The following RRN3 variants were observed in gnomAD, a reference collection of about 807,000 sequenced individuals.
RRN3 encodes the protein RNA polymerase I-specific transcription initiation factor RRN3.
A neutral mutation model predicts 82.3 loss-of-function variants in RRN3; 38 were observed. That is an observed-to-expected ratio of 0.46 (90% CI 0.36 to 0.61). RRN3 has a LOEUF of 0.61. RRN3 is among the 20% of genes least tolerant of loss of function. RRN3 has a pLI of 0.00. For missense variants in RRN3, 726 were observed against 793.1 expected (o/e 0.92, Z 1.02); for synonymous variants, 284 against 284.3 (o/e 1.00, Z 0.01).
At chr16:15,089,565 C>A (rs1363829934) in intron 3 of RRN3, among the ~76,000 whole-genome samples, 5 of 152,026 alleles carry the variant, frequency 3.3e-5, no homozygotes, top group African/African-American at 1.2e-4. Context: ...CTTTGGGAGG[C>A]CAAGGCGGGC....
At chr16:15,082,931 G>C (rs2045764722) in intron 8 of RRN3, among the ~76,000 whole-genome samples, 2 of 152,158 alleles carry the variant, frequency 1.3e-5, no homozygotes, top group South Asian at 4.1e-4. Flanking sequence ...AGTAATTCTT[G>C]TCCATATGAG....
In RRN3 at chr16:15,060,803, C is replaced by G. The variant is rs2044682176; in HGVS notation, c.*941G>C. 6.6e-6 allele frequency: 1 copy of G among 152,228 alleles called. No homozygotes were observed. The highest frequency in any genetic ancestry group is 6.5e-5 in the Admixed American group (1 of 15,278). 9.4% of individuals were successfully genotyped at this position (152,228 alleles called of 1,614,324 possible). On this transcript the variant is annotated 3_prime_UTR_variant, in exon 18 of 18. Coordinates refer to ENST00000198767, the MANE Select transcript of RRN3 (RefSeq NM_018427.5). ...CTATTGTTGTGAGCAAAACCGTACA[C>G]CAAATAATCTAAAAAAATTTTCCTG... is the stretch of plus-strand genomic sequence containing the variant.
chr16:15,065,893 T>TCAAAAACAGGCA (rs2044949328), intron 15 of RRN3, among the ~76,000 whole-genome samples: 1 of 152,170 alleles, frequency 6.6e-6, no homozygotes, highest in Admixed American at 6.5e-5. Context: ...AGTCATGACC[T>TCAAAAACAGGCA]CAAAAACAGG....
chr16:15,069,420 G>C (rs1240896386), intron 14 of RRN3, among the ~76,000 whole-genome samples: 1 of 152,158 alleles, frequency 6.6e-6, no homozygotes, highest in East Asian at 1.9e-4. Flanking sequence ...AATTTACAAT[G>C]ACTTATAAAC....
intron 8 of RRN3, among the ~76,000 whole-genome samples, chr16:15,081,000 G>C (rs542540454): frequency 6.6e-6 from 1 of 152,196 alleles, no homozygotes; most frequent in East Asian, 1.9e-4. Context: ...TATCAATGGA[G>C]TCATATAATA....
At chr16:15,073,828 AG>A (rs1448524787) in intron 11 of RRN3, among the ~76,000 whole-genome samples, 2 of 152,096 alleles carry the variant, frequency 1.3e-5, no homozygotes, top group Non-Finnish European at 2.9e-5. Context: ...TATGTTGCCC[AG>A]GATAGTTAGT....
intron 17 of RRN3, among the ~76,000 whole-genome samples, chr16:15,062,298 C>T (rs147626404): frequency 2.0e-5 from 3 of 152,280 alleles, no homozygotes; most frequent in East Asian, 1.9e-4. Context: ...GGAAACATGA[C>T]GAGTCATTCT....
chr16:15,064,029 C>T lies in RRN3; in HGVS notation c.1707-746G>A, dbSNP rs1397547464. Among the ~76,000 whole-genome samples the T allele has an allele frequency of 3.3e-5, 5 of 152,150 alleles. No individual in the cohort carries two copies. The South Asian group carries it at 8.3e-4, about 25-fold the overall frequency. ...TTTCAGTCAACCAAGACTTCAGGGA[C>T]CAGACAATCCCAGATGGTCATGATG... On this transcript the variant is annotated intron_variant, in intron 16 of 17. Coordinates refer to ENST00000198767, the MANE Select transcript of RRN3 (RefSeq NM_018427.5).
chr16:15,077,822 G>A (rs1432563776), intron 9 of RRN3, among the ~76,000 whole-genome samples: 1 of 152,148 alleles, frequency 6.6e-6, no homozygotes, highest in East Asian at 1.9e-4. Context: ...GCCTGGGCAA[G>A]AAGCGAGACA....
At chr16:15,063,704 C>CAAAA (rs10664930) in intron 16 of RRN3, among the ~76,000 whole-genome samples, 3 of 89,098 alleles carry the variant, frequency 3.4e-5, no homozygotes, top group East Asian at 3.4e-4. Context: ...GACTCTGTCT[C>CAAAA]AAAAAAAAAA....
chr16:15,089,206 G>A (rs987824091), intron 3 of RRN3, among the ~76,000 whole-genome samples: 4 of 152,094 alleles, frequency 2.6e-5, no homozygotes, highest in Middle Eastern at 3.4e-3. Context: ...TGGGAGGATG[G>A]CTTGAACCCA....
At chr16:15,076,978 CACTTTT>C (rs1478299260) in intron 9 of RRN3, among the ~76,000 whole-genome samples, 18 of 80,064 alleles carry the variant, frequency 2.2e-4, no homozygotes, top group Admixed American at 7.9e-4. Context: ...CCACCCAAAT[CACTTTT>C]TTTTTTTTTT....
At chr16:15,092,815 C>T (rs1598024042) in intron 1 of RRN3, among the ~76,000 whole-genome samples, 1 of 152,188 alleles carries the variant, frequency 6.6e-6, no homozygotes, top group East Asian at 1.9e-4. Context: ...CAGTAAAAAT[C>T]CAAATCTCTC....
rs2044706312 is a variant in RRN3, at chr16:15,061,430, C to T, written c.*314G>A. ...GTCTGCTGCCTATATTAGAAATTAC[C>T]CAGTAATTGTGTCAAAAAGCTGTTA... On this transcript the variant is annotated 3_prime_UTR_variant, in exon 18 of 18. Transcript: ENST00000198767. The T allele has an allele frequency of 3.2e-6, 1 of 313,882 alleles. No individual in the cohort carries two copies. Among genetic ancestry groups the T allele is most frequent in the Non-Finnish European group, 5.8e-6 (1 of 172,316 alleles). The allele number at this position is 313,882 out of a possible 1,614,324, so 19.4% of individuals were successfully genotyped here.
At chr16:15,088,443 G>A (rs141613969) in intron 3 of RRN3, among the ~76,000 whole-genome samples, 3 of 152,268 alleles carry the variant, frequency 2.0e-5, no homozygotes, top group Non-Finnish European at 4.4e-5. Context: ...ACTCCAGCCC[G>A]GGTGACAGAG....
At chr16:15,071,396 T>C (rs866587650) in intron 12 of RRN3, 145 bp from the exon 13 acceptor site, 6 of 789,634 alleles carry the variant, frequency 7.6e-6, no homozygotes, top group South Asian at 6.2e-5. Flanking sequence ...TTAAAACACA[T>C]TGAGAGAATA....
chr16:15,076,474 A>C (rs1163093434), intron 10 of RRN3, 84 bp downstream of exon 10: 2 of 939,484 alleles, frequency 2.1e-6, no homozygotes, highest in Non-Finnish European at 3.5e-6. Context: ...TTTCAATCTA[A>C]AGCCTTAACA....
intron 17 of RRN3, 96 bp downstream of exon 17, chr16:15,063,100 G>A (rs1264215122): frequency 1.2e-5 from 11 of 918,832 alleles, no homozygotes; most frequent in Admixed American, 3.4e-5. Flanking sequence ...AAAGTGCGGG[G>A]ATTACACGCA....
At chr16:15,089,995 G>C (rs1567226378) in intron 3 of RRN3, among the ~76,000 whole-genome samples, 1 of 151,732 alleles carries the variant, frequency 6.6e-6, no homozygotes, top group South Asian at 2.1e-4. Flanking sequence ...GGTCACCTGA[G>C]GTCAGGAGTT....
Sources: allele counts gnomAD v4.1 joint callset (sites outside exome capture counted in the v4.1 genomes callset), GRCh38; gene constraint gnomAD v4.1.1; transcripts MANE v1.5; gene names NCBI Gene and HGNC (gene_info 2026-07-23, HGNC 2026-07-21).